Variants in LRP1B observed in about 807,000 individuals in gnomAD.
LRP1B encodes LDL receptor related protein 1B, also known as low-density lipoprotein receptor-related protein 1B.
A neutral mutation model predicts 556.6 loss-of-function variants in LRP1B; 217 were observed. The observed-to-expected ratio is 0.39, with a 90% CI of 0.35 to 0.44. The LOEUF (loss-of-function observed/expected upper bound fraction) is 0.44. LRP1B is among the 20% of genes least tolerant of loss of function. The pLI is 1.00. For missense variants in LRP1B, 5,053 were observed against 5,620.8 expected (o/e 0.90, Z 3.23); for synonymous variants, 2,047 against 1,865.8 (o/e 1.10, Z -2.50).
chr2:140,237,434 T>C (rs1377230789), intron 89 of LRP1B, among the ~76,000 whole-genome samples: 2 of 150,994 alleles, frequency 1.3e-5, no homozygotes, highest in African/African-American at 4.8e-5. Flanking sequence ...TGAATAATGC[T>C]GTAAAAATCA....
intron 3 of LRP1B, among the ~76,000 whole-genome samples, chr2:141,300,372 G>T (rs912250368): frequency 6.6e-6 from 1 of 152,128 alleles, no homozygotes; most frequent in African/African-American, 2.4e-5. Flanking sequence ...TTTGGGTTGA[G>T]CATTGGATAT....
chr2:140,967,299 G>A (rs1301184944), intron 18 of LRP1B, among the ~76,000 whole-genome samples: 2 of 149,288 alleles, frequency 1.3e-5, no homozygotes, highest in Admixed American at 6.9e-5. Context: ...TATTCTCTTT[G>A]AAGCAACTGT....
chr2:141,174,178 T>C (rs374108098), intron 7 of LRP1B, among the ~76,000 whole-genome samples: 1 of 152,094 alleles, frequency 6.6e-6, no homozygotes, highest in East Asian at 1.9e-4. Flanking sequence ...GGTAGTAAGA[T>C]CTTATGAAGC....
At position 142,106,963 on chromosome 2, in the gene LRP1B, A is replaced by G. The variant is rs1393527223; in HGVS notation, c.82+23685T>C. ...CATATGTTATAAAAATAATTATAAC[A>G]TTATACATATTTAATATAAAGCTTC... On this transcript the variant is annotated intron_variant, in intron 1 of 90. Coordinates refer to ENST00000389484, the MANE Select transcript of LRP1B (RefSeq NM_018557.3). 2.6e-5 allele frequency among the ~76,000 whole-genome samples: 4 copies of G among 152,102 alleles called. No homozygotes were observed. In the East Asian group the frequency reaches 7.7e-4, roughly 29 times the overall value.
At chr2:141,729,172 C>A (rs987491755) in intron 2 of LRP1B, among the ~76,000 whole-genome samples, 4 of 152,280 alleles carry the variant, frequency 2.6e-5, no homozygotes, top group Middle Eastern at 3.4e-3. Context: ...TCAGCTGGAA[C>A]CTGTTTTTAC....
chr2:140,696,184 T>G (rs919828399), intron 41 of LRP1B, among the ~76,000 whole-genome samples: 1 of 152,200 alleles, frequency 6.6e-6, no homozygotes, highest in Non-Finnish European at 1.5e-5. Context: ...AAACACATTT[T>G]ACATCTTACT....
intron 7 of LRP1B, among the ~76,000 whole-genome samples, chr2:141,115,617 C>T (rs908696592): frequency 1.5e-5 from 2 of 130,284 alleles, no homozygotes; most frequent in African/African-American, 2.8e-5. Context: ...CCACCATGCC[C>T]GGCTAATTTG....
chr2:141,932,269 T>C (rs1314332344), intron 1 of LRP1B, among the ~76,000 whole-genome samples: 1 of 152,118 alleles, frequency 6.6e-6, no homozygotes, highest in Non-Finnish European at 1.5e-5. Flanking sequence ...ATGCAAGCCA[T>C]AGCTGTTTTT....
chr2:140,502,966 C>A lies in LRP1B; in HGVS notation c.8659G>T (p.Ala2887Ser), dbSNP rs756363545. Residue 2887 changes from alanine to serine, a missense_variant, in exon 54 of 91, where the codon GCA becomes TCA. Transcript: ENST00000389484. The part of the protein sequence containing the change: ...EAPLNPKCKS[A>S]EQSCNSSFFM... ...GGTATTGTATATATTTCTGTACCTG[C>A]ACTTTTACACTTTGGGTTTAAAGGT... is the stretch of plus-strand genomic sequence containing the variant. 2.1e-5 allele frequency: 34 copies of A among 1,612,710 alleles called. No homozygotes were observed. Among genetic ancestry groups the A allele is most frequent in the Non-Finnish European group, 2.8e-5 (33 of 1,179,110 alleles).
At chr2:140,740,825 A>C (rs751979078) in intron 35 of LRP1B, among the ~76,000 whole-genome samples, 14 of 151,996 alleles carry the variant, frequency 9.2e-5, no homozygotes, top group Non-Finnish European at 1.5e-4. Flanking sequence ...TCTGTGTACT[A>C]ATCTTCTCTT....
intron 3 of LRP1B, among the ~76,000 whole-genome samples, chr2:141,271,085 C>A (rs574183960): frequency 2.0e-4 from 30 of 151,770 alleles, no homozygotes; most frequent in Non-Finnish European, 3.1e-4. Context: ...AATAGGAATT[C>A]TTGGTTTGAA....
intron 14 of LRP1B, among the ~76,000 whole-genome samples, chr2:141,010,534 A>C (rs1697710022): frequency 6.6e-6 from 1 of 151,122 alleles, no homozygotes; most frequent in Middle Eastern, 3.2e-3. Flanking sequence ...TTTTTTTTTT[A>C]GACAGAGTTT....
intron 3 of LRP1B, among the ~76,000 whole-genome samples, chr2:141,320,019 G>A (rs1361090227): frequency 1.3e-5 from 2 of 152,068 alleles, no homozygotes. Context: ...TTCTGATTCA[G>A]TAGATTTGGC....
chr2:140,927,707 G>T (rs573477900), intron 20 of LRP1B, among the ~76,000 whole-genome samples: 1 of 87,280 alleles, frequency 1.1e-5, no homozygotes, highest in African/African-American at 4.1e-5. Flanking sequence ...TACGAGGAAG[G>T]CTTTTTTTTT....
At chr2:141,700,424 A>C (rs1322244130) in intron 2 of LRP1B, among the ~76,000 whole-genome samples, 1 of 151,830 alleles carries the variant, frequency 6.6e-6, no homozygotes, top group African/African-American at 2.4e-5. Flanking sequence ...TAGTTTCTTT[A>C]TTCTAAAATT....
chr2:140,792,538 T>C (rs930816853), intron 32 of LRP1B, among the ~76,000 whole-genome samples: 7 of 152,204 alleles, frequency 4.6e-5, no homozygotes, highest in Admixed American at 1.3e-4. Flanking sequence ...TAGACCTTGT[T>C]CTAAATATGT....
intron 1 of LRP1B, among the ~76,000 whole-genome samples, chr2:142,028,255 G>A (rs1185981978): frequency 6.6e-6 from 1 of 151,950 alleles, no homozygotes; most frequent in Admixed American, 6.6e-5. Context: ...CAAATGCACA[G>A]AGTTGTGTTA....
chr2:141,507,023 T>C (rs775948673), intron 2 of LRP1B, among the ~76,000 whole-genome samples: 10 of 152,162 alleles, frequency 6.6e-5, no homozygotes, highest in Non-Finnish European at 1.0e-4. Context: ...TAAAGTGACT[T>C]CTACAGAAGG....
At chr2:140,755,185 A>G (rs1688705327) in intron 35 of LRP1B, among the ~76,000 whole-genome samples, 1 of 152,080 alleles carries the variant, frequency 6.6e-6, no homozygotes, top group African/African-American at 2.4e-5. Context: ...TCAAAATCGA[A>G]TCCCTCAAAT....
Sources: allele counts gnomAD v4.1 joint callset (sites outside exome capture counted in the v4.1 genomes callset), GRCh38; gene constraint gnomAD v4.1.1; transcripts MANE v1.5; gene names NCBI Gene and HGNC (gene_info 2026-07-23, HGNC 2026-07-21).